ASAP1: variants seen among roughly 807,000 people sequenced by gnomAD.
ASAP1 encodes arf-GAP with SH3 domain, ANK repeat and PH domain-containing protein 1.
ASAP1 carries 43 observed loss-of-function variants against 145.2 expected under a neutral mutation model. The ratio of observed to expected loss-of-function variants is 0.30; its 90% CI spans 0.23 to 0.38. The LOEUF (loss-of-function observed/expected upper bound fraction) is 0.38. ASAP1 is among the 10% of genes least tolerant of loss of function. The pLI, the probability that ASAP1 is intolerant of heterozygous loss-of-function variation, is 1.00. For missense variants in ASAP1, 1,018 were observed against 1,355.3 expected (o/e 0.75, Z 3.91); for synonymous variants, 546 against 515.5 (o/e 1.06, Z -0.80).
intron 18 of ASAP1, among the ~76,000 whole-genome samples, chr8:130,123,587 A>AAAAC (rs74656989): frequency 0.17 from 25,564 of 151,870 alleles, 2,746 homozygotes; most frequent in East Asian, 0.44. Context: ...TTTGCTCTGG[A>AAAAC]AAACAAACAA....
intron 3 of ASAP1, among the ~76,000 whole-genome samples, chr8:130,312,557 G>C (rs1351085045): frequency 1.3e-5 from 2 of 152,134 alleles, no homozygotes; most frequent in African/African-American, 2.4e-5. Flanking sequence ...CTCTGCATTA[G>C]GGACATTTCC....
intron 2 of ASAP1, among the ~76,000 whole-genome samples, chr8:130,363,088 G>A (rs1022231898): frequency 1.3e-5 from 2 of 152,144 alleles, no homozygotes; most frequent in Admixed American, 6.5e-5. Context: ...ATAAAATGGG[G>A]GCAATGACAA....
intron 3 of ASAP1, among the ~76,000 whole-genome samples, chr8:130,354,020 G>A (rs981353653): frequency 6.6e-6 from 1 of 151,954 alleles, no homozygotes; most frequent in Non-Finnish European, 1.5e-5. Flanking sequence ...CTAAGTAGCT[G>A]GGACTACAAG....
intron 25 of ASAP1, chr8:130,082,910 A>G (rs762098117): frequency 2.0e-5 from 3 of 152,104 alleles, no homozygotes; most frequent in South Asian, 2.1e-4. Flanking sequence ...TCAGGGCTAG[A>G]TATCAAATCT....
chr8:130,070,962 GGGGA>G (rs2097444062), intron 27 of ASAP1, among the ~76,000 whole-genome samples: 1 of 22,790 alleles, frequency 4.4e-5, no homozygotes, highest in Non-Finnish European at 8.0e-5. Flanking sequence ...GTAGAGAGAG[GGGGA>G]GAGAGAGGGG....
At position 130,060,527 on chromosome 8, in the gene ASAP1, C is replaced by T. The variant is rs1360061462; in HGVS notation, c.3192+52G>A. 9 of 1,530,228 alleles carry T rather than the reference C, an allele frequency of 5.9e-6. No homozygotes were observed. The Admixed American group carries it at 1.3e-4, about 22-fold the overall frequency. The allele number at this position is 1,530,228 out of a possible 1,614,324, so 94.8% of individuals were successfully genotyped here. ...GTTGGAGCACCTGCCCTCCCACCAA[C>T]TTGCAAAGTGCGGAATAGGGTTCCT... is the stretch of plus-strand genomic sequence containing the variant. On this transcript the variant is annotated intron_variant, in intron 28 of 29. Coordinates refer to ENST00000518721, the MANE Select transcript of ASAP1 (RefSeq NM_018482.4).
chr8:130,356,978 C>T (rs1216071768), intron 3 of ASAP1, among the ~76,000 whole-genome samples: 1 of 152,160 alleles, frequency 6.6e-6, no homozygotes, highest in Non-Finnish European at 1.5e-5. Flanking sequence ...TACTTTCCAC[C>T]CAATGGTGCC....
At chr8:130,266,471 G>C (rs1016000984) in intron 3 of ASAP1, among the ~76,000 whole-genome samples, 6 of 152,034 alleles carry the variant, frequency 3.9e-5, no homozygotes, top group African/African-American at 1.4e-4. Context: ...ATTTTTAAAT[G>C]AATTAAATAA....
At chr8:130,370,322 C>CA (rs1053630522) in intron 2 of ASAP1, among the ~76,000 whole-genome samples, 7 of 151,704 alleles carry the variant, frequency 4.6e-5, no homozygotes, top group African/African-American at 1.2e-4. Context: ...AACAAACAAA[C>CA]AAAAAAAACA....
intron 27 of ASAP1, among the ~76,000 whole-genome samples, chr8:130,063,437 C>G (rs1347989150): frequency 6.6e-6 from 1 of 152,218 alleles, no homozygotes; most frequent in Admixed American, 6.5e-5. Flanking sequence ...GCACTCCTGG[C>G]TTTGGTGTGA....
At chr8:130,314,022 G>T (rs1017481567) in intron 3 of ASAP1, among the ~76,000 whole-genome samples, 2 of 152,226 alleles carry the variant, frequency 1.3e-5, no homozygotes, top group East Asian at 3.9e-4. Context: ...GTGACAGGAA[G>T]TCAATCTGAA....
chr8:130,232,746 C>G (rs1817987321), intron 4 of ASAP1, among the ~76,000 whole-genome samples: 1 of 152,058 alleles, frequency 6.6e-6, no homozygotes, highest in Non-Finnish European at 1.5e-5. Flanking sequence ...TTTTTCAAAT[C>G]ACTTTGGGAA....
rs376944212 is a variant in ASAP1, at chr8:130,425,671, A to G, written c.-28+17789T>C. 6.5e-4 allele frequency among the ~76,000 whole-genome samples: 99 copies of G among 152,330 alleles called. 1 individual carries two copies. Among genetic ancestry groups the G allele is most frequent in the African/African-American group, 2.2e-3 (93 of 41,582 alleles). On this transcript the variant is annotated intron_variant, in intron 1 of 29. Transcript: ENST00000518721. ...AGCACTGAAGATGGCTCCAAATTCA[A>G]TCTTAGGGATCAGAGAATGACAGGC... is the stretch of plus-strand genomic sequence containing the variant.
chr8:130,335,587 G>A (rs529248677), intron 3 of ASAP1, among the ~76,000 whole-genome samples: 135 of 152,302 alleles, frequency 8.9e-4, no homozygotes, highest in African/African-American at 3.0e-3. Flanking sequence ...TGCCTAAAGA[G>A]CATACAACCA....
At chr8:130,416,905 A>G (rs1239159921) in intron 1 of ASAP1, among the ~76,000 whole-genome samples, 1 of 152,230 alleles carries the variant, frequency 6.6e-6, no homozygotes, top group Non-Finnish European at 1.5e-5. Context: ...TTCTGTTATA[A>G]ACACATCAAA....
intron 13 of ASAP1, among the ~76,000 whole-genome samples, chr8:130,141,368 C>T (rs1010096949): frequency 6.6e-6 from 1 of 152,154 alleles, no homozygotes; most frequent in African/African-American, 2.4e-5. Flanking sequence ...GCTGCTCACA[C>T]ACTCCTGCAG....
chr8:130,218,429 C>T (rs958422310), intron 4 of ASAP1, among the ~76,000 whole-genome samples: 1 of 152,172 alleles, frequency 6.6e-6, no homozygotes, highest in Non-Finnish European at 1.5e-5. Flanking sequence ...ATTCCCTATT[C>T]CCCTACTCCT....
intron 5 of ASAP1, among the ~76,000 whole-genome samples, chr8:130,194,689 G>C (rs1049795769): frequency 1.3e-5 from 2 of 152,090 alleles, no homozygotes; most frequent in African/African-American, 4.8e-5. Flanking sequence ...TTCTCATAAA[G>C]AGTGTTCAAC....
At chr8:130,373,543 A>C (rs2138312584) in intron 2 of ASAP1, among the ~76,000 whole-genome samples, 2 of 152,318 alleles carry the variant, frequency 1.3e-5, no homozygotes, top group Admixed American at 1.3e-4. Context: ...ACCTCAAATA[A>C]GTGATATTCA....
Sources: gnomAD v4.1 joint callset for allele counts (sites outside exome capture counted in the v4.1 genomes callset) on GRCh38, gnomAD v4.1.1 for gene constraint, MANE v1.5 for transcripts, NCBI Gene and HGNC (gene_info 2026-07-23, HGNC 2026-07-21) for gene names.